Variants in CHRM3 observed in about 807,000 individuals in gnomAD.
The protein encoded by CHRM3 is cholinergic receptor muscarinic 3.
CHRM3 carries 11 observed loss-of-function variants against 41.8 expected under a neutral mutation model. That is an observed-to-expected ratio of 0.26 (90% CI 0.17 to 0.44). The LOEUF is 0.44. CHRM3 is among the 20% of genes least tolerant of loss of function. CHRM3 has a pLI of 1.00. For synonymous variants in CHRM3, 297 were observed against 301.4 expected, an observed-to-expected ratio of 0.99 and a Z score of 0.15; for missense variants, 571 against 745.4, an observed-to-expected ratio of 0.77 and a Z score of 2.72.
chr1:239,679,815 T>C (rs2149093425), intron 5 of CHRM3, among the ~76,000 whole-genome samples: 1 of 152,212 alleles, frequency 6.6e-6, no homozygotes, highest in South Asian at 2.1e-4. Flanking sequence ...AAATCTGGAT[T>C]CCCAGTCTTC....
chr1:239,403,937 G>C (rs1177369445), intron 1 of CHRM3, among the ~76,000 whole-genome samples: 1 of 140,706 alleles, frequency 7.1e-6, no homozygotes, highest in Non-Finnish European at 1.5e-5. Context: ...GAAGGAAGGA[G>C]GGGGAGAGAG....
intron 5 of CHRM3, among the ~76,000 whole-genome samples, chr1:239,798,299 T>C (rs965366984): frequency 6.6e-6 from 1 of 152,178 alleles, no homozygotes; most frequent in Non-Finnish European, 1.5e-5. Context: ...ATAGTTACGT[T>C]TTGGGGGAGT....
At position 239,418,442 on chromosome 1, in the gene CHRM3, A is replaced by T. The variant is rs183237123; in HGVS notation, c.-521+31215A>T. The stretch of plus-strand genomic sequence containing the variant: ...CAGTCATTTTTCAGTTTCTACATTA[A>T]GGGACCAACATCTGTGTATGTGGTA... On this transcript the variant is annotated intron_variant, in intron 1 of 6. Coordinates refer to ENST00000676153, the MANE Select transcript of CHRM3 (RefSeq NM_001375978.1). 1.2e-4 allele frequency among the ~76,000 whole-genome samples: 18 copies of T among 152,284 alleles called. 1 individual carries two copies. Among genetic ancestry groups the T allele is most frequent in the African/African-American group, 3.8e-4 (16 of 41,562 alleles).
rs116035551 is a variant in CHRM3 at position 239,438,882 on chromosome 1, T to A, written c.-521+51655T>A. 9.6e-3 allele frequency among the ~76,000 whole-genome samples: 1,468 copies of A among 152,286 alleles called. 14 individuals are homozygous for A. Among genetic ancestry groups the A allele is most frequent in the Non-Finnish European group, 0.016 (1,105 of 68,026 alleles). On this transcript the variant is annotated intron_variant, in intron 1 of 6. Transcript: ENST00000676153. ...AAAAAGTTGCCCAAATGTGCACCAG[T>A]CATTAAAAAATAGAAAACTAAATCA...
intron 3 of CHRM3, among the ~76,000 whole-genome samples, chr1:239,611,539 A>G (rs1667045784): frequency 7.0e-6 from 1 of 143,328 alleles, no homozygotes; most frequent in African/African-American, 2.6e-5. Context: ...TCCCGCCTCC[A>G]CCTCCTAAGT....
rs533171570 is a variant in CHRM3 at position 239,606,466 on chromosome 1, A to G, written c.-312-25758A>G. On this transcript the variant is annotated intron_variant, in intron 3 of 6. Transcript: ENST00000676153. Reference sequence around the variant, plus strand: ...TATTTTTGTATTTTTAGTAGAGACAAGGTTTCACTATGTTGGCCAGGCTGG... The same window carrying G: ...TATTTTTGTATTTTTAGTAGAGACAGGGTTTCACTATGTTGGCCAGGCTGG... Among the ~76,000 whole-genome samples, 427 of 152,122 alleles carry G rather than the reference A, an allele frequency of 2.8e-3. 3 individuals are homozygous for G. Among genetic ancestry groups the G allele is most frequent in the African/African-American group, 0.01 (418 of 41,524 alleles).
intron 5 of CHRM3, among the ~76,000 whole-genome samples, chr1:239,687,021 ATTAC>A (rs978776407): frequency 3.3e-5 from 5 of 152,088 alleles, no homozygotes; most frequent in South Asian, 2.1e-4. Flanking sequence ...AAAAATAGCT[ATTAC>A]TTAATATCAA....
intron 6 of CHRM3, among the ~76,000 whole-genome samples, chr1:239,902,230 C>T (rs970450333): frequency 3.3e-5 from 5 of 152,150 alleles, no homozygotes; most frequent in Admixed American, 3.3e-4. Flanking sequence ...GCAAGATCCC[C>T]GTTAATACTT....
At chr1:239,623,587 C>T (rs1297885337) in intron 3 of CHRM3, among the ~76,000 whole-genome samples, 8 of 86,134 alleles carry the variant, frequency 9.3e-5, no homozygotes, top group Admixed American at 2.6e-4. Context: ...CATGCTGGTG[C>T]GCTGCACCCA....
intron 5 of CHRM3, among the ~76,000 whole-genome samples, chr1:239,746,681 G>A (rs1032195346): frequency 3.9e-5 from 6 of 152,088 alleles, no homozygotes; most frequent in Non-Finnish European, 8.8e-5. Flanking sequence ...TTTAAATAAA[G>A]GGATTTCTTT....
intron 4 of CHRM3, among the ~76,000 whole-genome samples, chr1:239,661,136 T>C (rs183631857): frequency 6.6e-6 from 1 of 152,334 alleles, no homozygotes; most frequent in East Asian, 1.9e-4. Context: ...GTCTTCTTAA[T>C]GCTCAACAGA....
At chr1:239,425,473 T>C (rs1436515679) in intron 1 of CHRM3, among the ~76,000 whole-genome samples, 1 of 152,054 alleles carries the variant, frequency 6.6e-6, no homozygotes, top group Admixed American at 6.6e-5. Flanking sequence ...CCTTCACTGG[T>C]CTTCCCAGTT....
chr1:239,422,664 G>A (rs2354402), intron 1 of CHRM3, among the ~76,000 whole-genome samples: 49,708 of 151,552 alleles, frequency 0.33, 8,415 homozygotes, highest in Non-Finnish European at 0.36. Flanking sequence ...GCATGGTGGC[G>A]TGTGCCTGTA....
At chr1:239,658,735 T>G (rs903659376) in intron 4 of CHRM3, among the ~76,000 whole-genome samples, 3 of 151,922 alleles carry the variant, frequency 2.0e-5, no homozygotes, top group Admixed American at 1.3e-4. Context: ...TCAAGATAAT[T>G]TTATTGACTT....
intron 3 of CHRM3, among the ~76,000 whole-genome samples, chr1:239,556,994 A>G (rs1280313647): frequency 3.9e-5 from 6 of 152,182 alleles, no homozygotes; most frequent in Admixed American, 6.5e-5. Flanking sequence ...AAAATTTTAA[A>G]TAGTAACTGG....
chr1:239,866,997 G>A (rs957394991), intron 6 of CHRM3, among the ~76,000 whole-genome samples: 1 of 152,166 alleles, frequency 6.6e-6, no homozygotes, highest in Admixed American at 6.5e-5. Context: ...GTGCGTGGTA[G>A]AACCACACTC....
chr1:239,851,459 C>T (rs1339526279), intron 6 of CHRM3, among the ~76,000 whole-genome samples: 1 of 152,154 alleles, frequency 6.6e-6, no homozygotes, highest in Non-Finnish European at 1.5e-5. Flanking sequence ...AAAAGAGGGA[C>T]TTCAGCCCAG....
At chr1:239,828,387 C>T (rs1672633804) in intron 6 of CHRM3, among the ~76,000 whole-genome samples, 1 of 152,024 alleles carries the variant, frequency 6.6e-6, no homozygotes, top group Non-Finnish European at 1.5e-5. Context: ...GATACACACA[C>T]AGGTGTATAT....
chr1:239,392,028 T>C (rs1241226292), intron 1 of CHRM3, among the ~76,000 whole-genome samples: 2 of 152,216 alleles, frequency 1.3e-5, no homozygotes, highest in African/African-American at 4.8e-5. Flanking sequence ...TAGGATTTTA[T>C]TGAGTTTTCA....
Sources: gnomAD v4.1 joint callset for allele counts (sites outside exome capture counted in the v4.1 genomes callset) on GRCh38, gnomAD v4.1.1 for gene constraint, MANE v1.5 for transcripts, NCBI Gene and HGNC (gene_info 2026-07-23, HGNC 2026-07-21) for gene names.